Variants in DDX60L observed in about 807,000 individuals in gnomAD.
DDX60L encodes the protein DExD/H-box 60 like.
Under a neutral mutation model 211.6 loss-of-function variants are expected in DDX60L, and 191 were observed. The observed-to-expected ratio is 0.90, with a 90% CI of 0.80 to 1.02. DDX60L has a LOEUF of 1.02. Ranked by LOEUF, DDX60L falls within the 50% of genes least tolerant of loss-of-function variation. The pLI is 0.00. For synonymous variants in DDX60L, 706 were observed against 694.1 expected (o/e 1.02, Z -0.27); for missense variants, 2,007 against 1,984.1 (o/e 1.01, Z -0.22).
At chr4:168,442,856 C>A (rs1754149837) in intron 9 of DDX60L, among the ~76,000 whole-genome samples, 1 of 150,798 alleles carries the variant, frequency 6.6e-6, no homozygotes, top group Non-Finnish European at 1.5e-5. Context: ...GAAAGGACAT[C>A]CACACCAAAA....
In DDX60L at chr4:168,427,262, G is replaced by T. The variant is rs1751607358; in HGVS notation, c.1738C>A (p.Gln580Lys). 6.2e-7 allele frequency: 1 copy of T among 1,613,544 alleles called. No individual in the cohort carries two copies. The highest frequency in any genetic ancestry group is 1.3e-5 in the African/African-American group (1 of 74,872). Residue 580 changes from glutamine (Q) to lysine (K), a missense_variant, in exon 14 of 38, where the codon CAG (glutamine) becomes AAG (lysine). Coordinates refer to ENST00000682922, the MANE Select transcript of DDX60L (RefSeq NM_001012967.3). ...TCATCGTTTTGCTGAGCTTTGTTCT[G>T]ATCTTCTTTGAGAAATGACTTTTTC... is the stretch of plus-strand genomic sequence containing the variant. ...SKKKSFLKED[Q>K]NKAQQNDDLL...
chr4:168,361,464 C>A, intron 36 of DDX60L: 2 of 307,192 alleles, frequency 6.5e-6, no homozygotes, highest in South Asian at 6.8e-5. Flanking sequence ...ATAGAAGGGT[C>A]AATGAGGACT....
chr4:168,389,384 A>T (rs1744418884), intron 29 of DDX60L, among the ~76,000 whole-genome samples: 1 of 152,226 alleles, frequency 6.6e-6, no homozygotes, highest in Non-Finnish European at 1.5e-5. Context: ...TTCAATTAAT[A>T]CAGGAAAGCG....
At chr4:168,465,980 A>C (rs1757941477) in intron 4 of DDX60L, among the ~76,000 whole-genome samples, 1 of 152,172 alleles carries the variant, frequency 6.6e-6, no homozygotes, top group Admixed American at 6.5e-5. Flanking sequence ...CCAGTCAAAG[A>C]AAAAAGAATC....
chr4:168,449,618 A>T lies in DDX60L; in HGVS notation c.997-839T>A, dbSNP rs1234911430. On this transcript the variant is annotated intron_variant, in intron 8 of 37. Transcript: ENST00000682922. The stretch of plus-strand genomic sequence containing the variant: ...TACCCTAAAACTTAGAGTATAATAA[A>T]AAAAAAAAAACATTAAAACAAAAAA... Among the ~76,000 whole-genome samples the T allele has an allele frequency of 3.1e-4, 12 of 38,560 alleles. No individual in the cohort carries two copies. The East Asian group carries it at 7.6e-3, about 24-fold the overall frequency. The allele number at this position is 38,560 out of a possible 152,430, so 25.3% of individuals were successfully genotyped here.
chr4:168,421,477 A>G (rs1205489678), intron 17 of DDX60L, among the ~76,000 whole-genome samples: 2 of 152,174 alleles, frequency 1.3e-5, no homozygotes, highest in Non-Finnish European at 2.9e-5. Context: ...CAACATGGTG[A>G]AACCCTGTCT....
intron 5 of DDX60L, among the ~76,000 whole-genome samples, chr4:168,460,709 T>C (rs4345134): frequency 0.72 from 110,098 of 151,974 alleles, 41,053 homozygotes; most frequent in East Asian, 0.88. Context: ...AATTCCATTC[T>C]GACACTAACT....
At chr4:168,372,304 A>G (rs769586112) in intron 35 of DDX60L, among the ~76,000 whole-genome samples, 12 of 152,152 alleles carry the variant, frequency 7.9e-5, no homozygotes, top group Non-Finnish European at 1.3e-4. Flanking sequence ...AAGCAAAACA[A>G]ACAAACAAAA....
rs182945973 is a variant in DDX60L at position 168,403,900 on chromosome 4, T to C, written c.3338+82A>G. On this transcript the variant is annotated intron_variant, in intron 25 of 37. Transcript: ENST00000682922. The stretch of plus-strand genomic sequence containing the variant: ...AGTAGGGTTACTTCTAACCACTATA[T>C]ATAAATGAGACTAATTGAAAACAAA... 31 of 816,932 alleles carry C rather than the reference T, an allele frequency of 3.8e-5. 1 individual carries two copies. In the East Asian group the frequency reaches 9.2e-4, roughly 24 times the overall value. 50.6% of individuals were successfully genotyped at this position (816,932 alleles called of 1,614,324 possible).
intron 9 of DDX60L, among the ~76,000 whole-genome samples, chr4:168,442,654 T>A (rs1423749082): frequency 6.6e-6 from 1 of 151,814 alleles, no homozygotes; most frequent in African/African-American, 2.4e-5. Flanking sequence ...AGAGCAGTGG[T>A]TCTCCCAGCA....
chr4:168,392,415 C>T (rs1489193588), intron 28 of DDX60L, among the ~76,000 whole-genome samples: 1 of 152,120 alleles, frequency 6.6e-6, no homozygotes, highest in African/African-American at 2.4e-5. Context: ...AGCAAAAAGA[C>T]TTTCTAATTG....
intron 26 of DDX60L, among the ~76,000 whole-genome samples, chr4:168,400,446 T>A (rs1279491711): frequency 1.3e-5 from 2 of 152,160 alleles, no homozygotes; most frequent in Admixed American, 6.5e-5. Context: ...CACCACACTA[T>A]CTTCCACAAT....
At chr4:168,479,604 C>A (rs1407064871) in intron 1 of DDX60L, among the ~76,000 whole-genome samples, 3 of 152,020 alleles carry the variant, frequency 2.0e-5, no homozygotes, top group Non-Finnish European at 2.9e-5. Context: ...ACTTTGTAAA[C>A]AAAAGAGAAG....
intron 37 of DDX60L, 81 bp from the exon 38 acceptor site, chr4:168,358,357 G>GT: frequency 9.5e-7 from 1 of 1,054,430 alleles, no homozygotes; most frequent in Non-Finnish European, 1.3e-6. Flanking sequence ...GTTAGCAGAA[G>GT]TAATTCCCCC....
At chr4:168,407,103 T>C (rs570445105) in intron 22 of DDX60L, among the ~76,000 whole-genome samples, 40 of 152,316 alleles carry the variant, frequency 2.6e-4, no homozygotes, top group African/African-American at 9.1e-4. Flanking sequence ...AATATCCCTT[T>C]GAAACAGACA....
chr4:168,378,303 T>C lies in DDX60L; in HGVS notation c.4485+51A>G, dbSNP rs893456230. On this transcript the variant is annotated intron_variant, in intron 33 of 37. Transcript: ENST00000682922. ...AGGTACTGAATGCTTTCCAGTAGCATACATTTAATAACTATCATTATTATA... is the reference window on the plus strand; with the variant it reads ...AGGTACTGAATGCTTTCCAGTAGCACACATTTAATAACTATCATTATTATA... The C allele has an allele frequency of 4.5e-6, 5 of 1,102,788 alleles. 1 individual carries two copies. The East Asian group carries it at 7.9e-5, about 18-fold the overall frequency. The allele number at this position is 1,102,788 out of a possible 1,614,324, so 68.3% of individuals were successfully genotyped here. A position where few individuals can be genotyped will look rare whatever the true frequency, so the allele number is the denominator to read the frequency against.
At chr4:168,385,999 G>A (rs967749312) in intron 29 of DDX60L, among the ~76,000 whole-genome samples, 6 of 151,726 alleles carry the variant, frequency 4.0e-5, no homozygotes, top group African/African-American at 1.5e-4. Context: ...GGAGGGAGAG[G>A]GAAAGGGAGA....
At chr4:168,442,680 G>C (rs1225039871) in intron 9 of DDX60L, among the ~76,000 whole-genome samples, 1 of 151,630 alleles carries the variant, frequency 6.6e-6, no homozygotes, top group East Asian at 1.9e-4. Context: ...CTGGAGATCT[G>C]AGAACGGGCA....
intron 24 of DDX60L, 45 bp from the exon 25 acceptor site, chr4:168,404,151 G>A (rs1416054682): frequency 1.2e-5 from 14 of 1,131,826 alleles, no homozygotes; most frequent in Non-Finnish European, 1.7e-5. Flanking sequence ...AAAAGAATTT[G>A]TGGAAACAGA....
Sources: allele counts gnomAD v4.1 joint callset (sites outside exome capture counted in the v4.1 genomes callset), GRCh38; gene constraint gnomAD v4.1.1; transcripts MANE v1.5; gene names NCBI Gene and HGNC (gene_info 2026-07-23, HGNC 2026-07-21).